Variants in TTC3 observed in about 807,000 individuals in gnomAD.
TTC3 encodes tetratricopeptide repeat domain 3, also known as E3 ubiquitin-protein ligase TTC3.
In TTC3, 180 loss-of-function variants were observed where a neutral mutation model predicts 249.6. The ratio of observed to expected loss-of-function variants is 0.72; its 90% CI spans 0.64 to 0.82. TTC3 has a LOEUF of 0.82. Ranked by LOEUF, TTC3 falls within the 40% of genes least tolerant of loss-of-function variation. TTC3 has a pLI of 0.00. For missense variants in TTC3, 2,061 were observed against 2,398.4 expected (o/e 0.86, Z 2.94); for synonymous variants, 717 against 805.0 (o/e 0.89, Z 1.85).
chr21:37,125,108 G>A (rs189974989), intron 14 of TTC3, among the ~76,000 whole-genome samples: 189 of 152,236 alleles, frequency 1.2e-3, no homozygotes, highest in Admixed American at 3.7e-3. Flanking sequence ...AGTTTATACC[G>A]AGCATCTCCA....
At chr21:37,102,779 T>C (rs1414959924) in intron 10 of TTC3, among the ~76,000 whole-genome samples, 1 of 152,108 alleles carries the variant, frequency 6.6e-6, no homozygotes, top group Non-Finnish European at 1.5e-5. Context: ...GATGGATCAC[T>C]TGAGGTCAGG....
intron 10 of TTC3, among the ~76,000 whole-genome samples, chr21:37,097,070 G>A (rs553702281): frequency 1.3e-5 from 2 of 152,170 alleles, no homozygotes; most frequent in East Asian, 1.9e-4. Context: ...TAGTATAAAA[G>A]AAGCATTTTC....
At chr21:37,091,958 A>T (rs1253343145) in intron 7 of TTC3, among the ~76,000 whole-genome samples, 1 of 152,182 alleles carries the variant, frequency 6.6e-6, no homozygotes. Context: ...TACTTTAAAA[A>T]TTTTCACTGA....
At chr21:37,086,053 TAA>T (rs35724725) in intron 1 of TTC3, 1 of 152,260 alleles carries the variant, frequency 6.6e-6, no homozygotes, top group Non-Finnish European at 1.5e-5. Flanking sequence ...ATAATGCATG[TAA>T]AACATTTGGT....
intron 22 of TTC3, 66 bp downstream of exon 22, chr21:37,147,669 A>G (rs933128623): frequency 1.3e-6 from 2 of 1,539,100 alleles, no homozygotes; most frequent in Non-Finnish European, 1.7e-6. Flanking sequence ...GCTCAAAACA[A>G]TCTGTAATTG....
intron 35 of TTC3, among the ~76,000 whole-genome samples, chr21:37,178,434 C>A (rs2082455313): frequency 6.6e-6 from 1 of 152,162 alleles, no homozygotes; most frequent in African/African-American, 2.4e-5. Flanking sequence ...TATAAGGATT[C>A]CAGTTTCTCC....
intron 11 of TTC3, among the ~76,000 whole-genome samples, chr21:37,121,519 T>C (rs1601588997): frequency 6.6e-6 from 1 of 152,274 alleles, no homozygotes; most frequent in East Asian, 1.9e-4. Context: ...AATTATTATA[T>C]TCTCTGTTAG....
chr21:37,096,538 A>T (rs776521293), intron 9 of TTC3, 43 bp from the exon 10 acceptor site: 3 of 1,422,964 alleles, frequency 2.1e-6, no homozygotes, highest in South Asian at 2.5e-5. Context: ...TATTTGTTTC[A>T]TGTGTAATGT....
chr21:37,141,492 A>C (rs2078459165), intron 20 of TTC3, among the ~76,000 whole-genome samples: 1 of 151,598 alleles, frequency 6.6e-6, no homozygotes, highest in Non-Finnish European at 1.5e-5. Flanking sequence ...TTTTTTGGCC[A>C]GGCACAGTGG....
At position 37,138,629 on chromosome 21, in the gene TTC3, G is replaced by A. The variant is rs192990112; in HGVS notation, c.1579-5G>A. The A allele has an allele frequency of 3.5e-5, 57 of 1,608,532 alleles. No individual in the cohort carries two copies. The highest frequency in any genetic ancestry group is 1.7e-4 in the Middle Eastern group (1 of 6,038). ...GATTTTTAACTGAGGCATTTTTATTGACAGCAATTGAACCTGGCCATGATT... is the reference window on the plus strand; with the variant it reads ...GATTTTTAACTGAGGCATTTTTATTAACAGCAATTGAACCTGGCCATGATT... On this transcript the variant is annotated splice_region_variant and splice_polypyrimidine_tract_variant and intron_variant, in intron 18 of 45. Coordinates refer to ENST00000355666, the Ensembl canonical transcript of TTC3.
intron 15 of TTC3, among the ~76,000 whole-genome samples, chr21:37,126,672 T>G (rs144369083): frequency 6.6e-6 from 1 of 152,302 alleles, no homozygotes; most frequent in Non-Finnish European, 1.5e-5. Flanking sequence ...ATAAACTAGA[T>G]AGCTTATAAG....
chr21:37,160,962 G>A (rs1358277580), intron 30 of TTC3, 104 bp downstream of exon 30: 9 of 1,170,494 alleles, frequency 7.7e-6, no homozygotes, highest in Non-Finnish European at 9.4e-6. Flanking sequence ...TGAAACATTT[G>A]TAGAGAAAGA....
chr21:37,092,957 A>G (rs1226843545), intron 7 of TTC3, among the ~76,000 whole-genome samples: 1 of 152,164 alleles, frequency 6.6e-6, no homozygotes, highest in Non-Finnish European at 1.5e-5. Flanking sequence ...GTAACATTTT[A>G]CTCATGAGAG....
At chr21:37,188,270 C>A in intron 38 of TTC3, 1 of 427,240 alleles carries the variant, frequency 2.3e-6, no homozygotes, top group Non-Finnish European at 4.3e-6. Flanking sequence ...TTCATATCTG[C>A]AAAAAGGATC....
Position 37,150,185 on chromosome 21 carries a change from G to GGAA in TTC3, c.2211+16_2211+18dup. The GGAA allele has an allele frequency of 6.3e-7, 1 of 1,586,950 alleles. No homozygotes were observed. Among genetic ancestry groups the GGAA allele is most frequent in the South Asian group, 1.1e-5 (1 of 89,048 alleles). Reference sequence around the variant, plus strand: ...TTAAATGTGAAGTAAGTAATAAAGGGGAAACCTTGTTAGATAGATAACCAA... The same window carrying GGAA: ...TTAAATGTGAAGTAAGTAATAAAGGGGAAGAAACCTTGTTAGATAGATAACCAA... On this transcript the variant is annotated intron_variant, in intron 24 of 45. Transcript: ENST00000355666.
rs559196761 is a variant in TTC3, at chr21:37,091,458, G to A, written c.601+45G>A. 3.2e-6 allele frequency: 5 copies of A among 1,540,944 alleles called. No homozygotes were observed. The African/African-American group carries it at 5.6e-5, about 17-fold the overall frequency. ...ATTGTTACTTGACTCAGTTTTTAAA[G>A]GTGTTTGGGAAAATGAGATATGTAG... On this transcript the variant is annotated intron_variant, in intron 7 of 45. Coordinates refer to ENST00000355666, the Ensembl canonical transcript of TTC3.
chr21:37,088,121 C>T, intron 3 of TTC3, 75 bp from the exon 4 acceptor site: 5 of 1,351,236 alleles, frequency 3.7e-6, no homozygotes, highest in South Asian at 3.3e-5. Context: ...CCATTTTTGC[C>T]TTTTTACTAT....
intron 14 of TTC3, among the ~76,000 whole-genome samples, 188 bp from the exon 15 acceptor site, chr21:37,125,892 C>T (rs2077003765): frequency 6.6e-6 from 1 of 151,746 alleles, no homozygotes; most frequent in African/African-American, 2.4e-5. Flanking sequence ...GTTGCCATAT[C>T]ATGATCCTTA....
intron 38 of TTC3, chr21:37,188,019 A>G (rs1275420900): frequency 6.6e-6 from 1 of 152,434 alleles, no homozygotes; most frequent in East Asian, 1.9e-4. Flanking sequence ...ATTCTCACAA[A>G]AATGGCCAGT....
Sources: gnomAD v4.1 joint callset for allele counts (sites outside exome capture counted in the v4.1 genomes callset) on GRCh38, gnomAD v4.1.1 for gene constraint, MANE v1.5 for transcripts, NCBI Gene and HGNC (gene_info 2026-07-23, HGNC 2026-07-21) for gene names.